Variants in MYO3A observed in about 807,000 individuals in gnomAD.
The protein encoded by MYO3A is myosin IIIA, also known as myosin-IIIa.
MYO3A carries 180 observed loss-of-function variants against 192.7 expected under a neutral mutation model. That is an observed-to-expected ratio of 0.93 (90% confidence interval 0.83 to 1.06). The LOEUF (loss-of-function observed/expected upper bound fraction) is 1.06. Ranked by LOEUF, MYO3A falls within the 50% of genes least tolerant of loss-of-function variation. MYO3A has a pLI of 0.00. For synonymous variants in MYO3A, 628 were observed against 645.3 expected (o/e 0.97, Z 0.41); for missense variants, 1,896 against 1,905.0 (o/e 1.00, Z 0.09).
chr10:25,978,819 A>G (rs375088645), intron 4 of MYO3A, among the ~76,000 whole-genome samples: 1 of 152,192 alleles, frequency 6.6e-6, no homozygotes, highest in East Asian at 1.9e-4. Context: ...ATTTGTTTAT[A>G]TGCTTTAGAT....
At chr10:26,014,912 C>T (rs932430764) in intron 6 of MYO3A, among the ~76,000 whole-genome samples, 2 of 152,098 alleles carry the variant, frequency 1.3e-5, no homozygotes, top group Admixed American at 6.5e-5. Flanking sequence ...ATAGAAAACA[C>T]ATATTTGATG....
At chr10:25,985,526 C>T (rs761752575) in intron 4 of MYO3A, among the ~76,000 whole-genome samples, 1 of 151,812 alleles carries the variant, frequency 6.6e-6, no homozygotes, top group Non-Finnish European at 1.5e-5. Context: ...CAACTGATAC[C>T]AGAGAAATAC....
At chr10:26,177,961 C>T (rs180821641) in intron 31 of MYO3A, among the ~76,000 whole-genome samples, 104 of 152,374 alleles carry the variant, frequency 6.8e-4, no homozygotes, top group African/African-American at 2.5e-3. Context: ...AAGCTGACCA[C>T]AAATGGCTCT....
chr10:26,199,744 G>A (rs1439041109), intron 32 of MYO3A, among the ~76,000 whole-genome samples: 2 of 151,806 alleles, frequency 1.3e-5, no homozygotes, highest in Non-Finnish European at 2.9e-5. Flanking sequence ...AGAATTCAAG[G>A]GCAGAACATT....
chr10:26,083,646 T>A (rs964861764), intron 14 of MYO3A, among the ~76,000 whole-genome samples: 1 of 152,332 alleles, frequency 6.6e-6, no homozygotes, highest in Non-Finnish European at 1.5e-5. Context: ...AAATTGCCTA[T>A]ATTATGCTGA....
Position 26,174,403 on chromosome 10 carries a change from T to A in MYO3A, c.4139T>A (p.Val1380Asp). The change falls in exon 30 of 35, where the codon GTC becomes GAC. Residue 1380 changes from valine to aspartate, a missense_variant. Physicochemically the swap from Val to Asp is radical, Grantham distance 152. Transcript: ENST00000642920. ...KMSSFKHQRI[V>D]TTPTEVARNT... ...TCTTCTTTTAAGCATCAGAGGATTG[T>A]CACAACACCAACAGAAGTAGCAAGA... 1 of 1,614,156 alleles carries A rather than the reference T, an allele frequency of 6.2e-7. No individual in the cohort carries two copies. Among genetic ancestry groups the A allele is most frequent in the Non-Finnish European group, 8.5e-7 (1 of 1,180,032 alleles).
intron 17 of MYO3A, among the ~76,000 whole-genome samples, chr10:26,107,108 T>C (rs1837858679): frequency 6.6e-6 from 1 of 152,064 alleles, no homozygotes; most frequent in Non-Finnish European, 1.5e-5. Context: ...GGGAGAGATC[T>C]AGTATTTGCT....
At chr10:25,946,944 T>A (rs1396397071) in intron 2 of MYO3A, among the ~76,000 whole-genome samples, 6 of 149,822 alleles carry the variant, frequency 4.0e-5, no homozygotes, top group African/African-American at 1.5e-4. Flanking sequence ...CTTGGATTTC[T>A]AGATGCATGT....
intron 15 of MYO3A, among the ~76,000 whole-genome samples, chr10:26,092,026 C>A (rs1836730895): frequency 6.6e-6 from 1 of 152,182 alleles, no homozygotes; most frequent in Non-Finnish European, 1.5e-5. Context: ...GAAATGAGTT[C>A]ATCTGCTAAG....
chr10:26,187,167 A>G lies in MYO3A; in HGVS notation c.4439-6038A>G, dbSNP rs78838855. On this transcript the variant is annotated intron_variant, in intron 31 of 34. Transcript: ENST00000642920. ...AAACACTACCACATGTAGATCACCA[A>G]TGAAATGACACAAAGACATCAAAAC... Among the ~76,000 whole-genome samples, 16 of 152,306 alleles carry G rather than the reference A, an allele frequency of 1.1e-4. No homozygotes were observed. The East Asian group carries it at 2.7e-3, about 26-fold the overall frequency.
chr10:26,058,480 T>C (rs1398380842), intron 10 of MYO3A, among the ~76,000 whole-genome samples: 1 of 152,240 alleles, frequency 6.6e-6, no homozygotes, highest in Non-Finnish European at 1.5e-5. Context: ...TTTCTACTCA[T>C]TTGGGTAGAA....
intron 10 of MYO3A, among the ~76,000 whole-genome samples, chr10:26,029,858 C>A (rs1842727956): frequency 6.6e-6 from 1 of 152,076 alleles, no homozygotes; most frequent in South Asian, 2.1e-4. Flanking sequence ...GCCTTCTCAT[C>A]TTGAGTGGGA....
At chr10:26,056,987 T>C (rs1307653047) in intron 10 of MYO3A, among the ~76,000 whole-genome samples, 3 of 151,894 alleles carry the variant, frequency 2.0e-5, no homozygotes, top group Non-Finnish European at 4.4e-5. Context: ...CCATGAAAGC[T>C]ACAGAGGAGA....
chr10:26,209,150 A>G (rs142936118), intron 34 of MYO3A, among the ~76,000 whole-genome samples: 4 of 152,292 alleles, frequency 2.6e-5, no homozygotes, highest in African/African-American at 9.6e-5. Flanking sequence ...CAGTCGTCCT[A>G]CCACTTACCT....
chr10:26,098,600 G>A (rs965500369), intron 17 of MYO3A, among the ~76,000 whole-genome samples: 22 of 152,288 alleles, frequency 1.4e-4, no homozygotes, highest in African/African-American at 5.1e-4. Context: ...AAGGTGTAAG[G>A]AAGGGATCCA....
chr10:26,104,440 A>AC (rs1160221883), intron 17 of MYO3A, among the ~76,000 whole-genome samples: 4 of 152,136 alleles, frequency 2.6e-5, no homozygotes, highest in African/African-American at 9.7e-5. Flanking sequence ...CATTGTTGGA[A>AC]AGATTATCCT....
chr10:25,969,981 A>G (rs1322070115), intron 4 of MYO3A, among the ~76,000 whole-genome samples: 1 of 152,154 alleles, frequency 6.6e-6, no homozygotes, highest in Non-Finnish European at 1.5e-5. Flanking sequence ...TCATAATGAC[A>G]AAAAGTTCAA....
At chr10:26,194,332 AC>A (rs1299377965) in intron 32 of MYO3A, among the ~76,000 whole-genome samples, 3 of 151,656 alleles carry the variant, frequency 2.0e-5, no homozygotes, top group African/African-American at 7.3e-5. Context: ...TCTTCGTGGG[AC>A]CCGTGACTGC....
At chr10:26,134,952 T>A (rs567936776) in intron 20 of MYO3A, among the ~76,000 whole-genome samples, 1 of 152,212 alleles carries the variant, frequency 6.6e-6, no homozygotes, top group African/African-American at 2.4e-5. Context: ...TGTAGCTTCT[T>A]TCCTGTTGCA....
Sources: gnomAD v4.1 joint callset for allele counts (sites outside exome capture counted in the v4.1 genomes callset) on GRCh38, gnomAD v4.1.1 for gene constraint, MANE v1.5 for transcripts, NCBI Gene and HGNC (gene_info 2026-07-23, HGNC 2026-07-21) for gene names.